Variants in BPIFC observed in about 807,000 individuals in gnomAD.
BPIFC encodes the protein BPI fold-containing family C protein.
A neutral mutation model predicts 57.6 loss-of-function variants in BPIFC; 60 were observed. That is an observed-to-expected ratio of 1.04 (90% CI 0.85 to 1.29). BPIFC has a LOEUF of 1.29. Among genes scored for constraint, BPIFC ranks in the 50% most tolerant of loss-of-function variants. The pLI is 0.00. For missense variants in BPIFC, 581 were observed against 600.5 expected (o/e 0.97, Z 0.34); for synonymous variants, 243 against 224.5 (o/e 1.08, Z -0.74).
chr22:32,417,264 C>A, intron 14 of BPIFC, 116 bp from the exon 15 acceptor site: 1 of 718,906 alleles, frequency 1.4e-6, no homozygotes, highest in Non-Finnish European at 2.3e-6. Context: ...CAGCCTCGAA[C>A]TCCTGGGCTC....
At chr22:32,440,156 A>T (rs1237127391) in intron 8 of BPIFC, among the ~76,000 whole-genome samples, 1 of 152,122 alleles carries the variant, frequency 6.6e-6, no homozygotes, top group Non-Finnish European at 1.5e-5. Flanking sequence ...TTTTGAGACA[A>T]GATCTCACTT....
chr22:32,420,613 T>A (rs1474422068), intron 13 of BPIFC, among the ~76,000 whole-genome samples: 1 of 152,226 alleles, frequency 6.6e-6, no homozygotes, highest in Non-Finnish European at 1.5e-5. Context: ...TCTCTGGATC[T>A]TAATTTTCTC....
At chr22:32,417,858 C>CT (rs1002094238) in intron 14 of BPIFC, among the ~76,000 whole-genome samples, 20 of 149,470 alleles carry the variant, frequency 1.3e-4, no homozygotes, top group South Asian at 8.5e-4. Flanking sequence ...CCCAATTTTT[C>CT]TTTTTTTTTT....
At chr22:32,436,751 CTG>C (rs1934414538) in intron 9 of BPIFC, among the ~76,000 whole-genome samples, 1 of 152,192 alleles carries the variant, frequency 6.6e-6, no homozygotes, top group African/African-American at 2.4e-5. Context: ...CCTTCAAAAT[CTG>C]TGTCTGCTGA....
rs1173310580 is a variant in BPIFC at position 32,424,735 on chromosome 22, TTCTTCC to T, written c.1218-5337_1218-5332del. 1.2e-3 allele frequency among the ~76,000 whole-genome samples: 111 copies of T among 90,624 alleles called. 19 individuals are homozygous for T. Among genetic ancestry groups the T allele is most frequent in the African/African-American group, 6.2e-3 (106 of 17,088 alleles). 59.5% of individuals were successfully genotyped at this position (90,624 alleles called of 152,430 possible). ...CTTCTTCCTCTTCTTCTTCCTCTTC[TTCTTCC>T]TCTTCTTCTTCCTCTTCTTCTTCTT... On this transcript the variant is annotated intron_variant, in intron 13 of 16. Transcript: ENST00000300399.
Position 32,435,893 on chromosome 22 carries a change from A to T in BPIFC, c.748-13T>A. On this transcript the variant is annotated splice_polypyrimidine_tract_variant and intron_variant, in intron 9 of 16. Transcript: ENST00000300399. ...GGTAGAATACACCCTGTGGGAAAAG[A>T]GAGAGAAAGACCAGTGTATCAGGTG... 6.2e-7 allele frequency: 1 copy of T among 1,605,824 alleles called. No individual in the cohort carries two copies. The highest frequency in any genetic ancestry group is 1.7e-5 in the Admixed American group (1 of 57,514).
At chr22:32,423,012 C>T (rs563680070) in intron 13 of BPIFC, among the ~76,000 whole-genome samples, 3 of 152,174 alleles carry the variant, frequency 2.0e-5, no homozygotes, top group East Asian at 1.9e-4. Context: ...GATAAATGAG[C>T]GGATGAAGGA....
chr22:32,431,403 G>T lies in BPIFC; in HGVS notation c.1161C>A (p.Thr387=). The change falls in exon 13 of 17, where the codon ACC becomes ACA. Residue 387 remains threonine, a synonymous_variant. Transcript: ENST00000300399. The part of the protein sequence containing the change: ...TIVSMDFVAS[T]SVGLVILGQR... ...GTCCCAAAATAACCAGGCCAACACTGGTACTAGCAACCTATAGACAATAAA... is the reference window on the plus strand; with the variant it reads ...GTCCCAAAATAACCAGGCCAACACTTGTACTAGCAACCTATAGACAATAAA... The T allele has an allele frequency of 6.2e-7, 1 of 1,609,178 alleles. No homozygotes were observed. The highest frequency in any genetic ancestry group is 8.5e-7 in the Non-Finnish European group (1 of 1,175,912).
intron 4 of BPIFC, among the ~76,000 whole-genome samples, chr22:32,449,181 C>A (rs1386915782): frequency 6.6e-6 from 1 of 152,186 alleles, no homozygotes; most frequent in African/African-American, 2.4e-5. Context: ...CACCACGAGG[C>A]TATGCCACTT....
chr22:32,449,738 C>CTTTTTTTTTTTTTTTTTTTTTT, intron 4 of BPIFC, among the ~76,000 whole-genome samples: 1 of 146,968 alleles, frequency 6.8e-6, no homozygotes, highest in Non-Finnish European at 1.5e-5. Flanking sequence ...ATGTACTTCT[C>CTTTTTTTTTTTTTTTTTTTTTT]TTTTTTTCTT....
intron 8 of BPIFC, among the ~76,000 whole-genome samples, chr22:32,440,723 T>C (rs1261431068): frequency 2.0e-5 from 3 of 152,208 alleles, no homozygotes; most frequent in Admixed American, 6.5e-5. Flanking sequence ...ACTCTTCTCC[T>C]GACCTACATT....
chr22:32,461,306 G>T (rs1935155525), intron 2 of BPIFC, among the ~76,000 whole-genome samples: 3 of 152,196 alleles, frequency 2.0e-5, no homozygotes, highest in Admixed American at 2.0e-4. Context: ...GAGGGAAACT[G>T]GGGAGCAGTG....
At position 32,433,717 on chromosome 22, in the gene BPIFC, A is replaced by T; in HGVS notation, c.978+2T>A. 1 of 1,604,834 alleles carries T rather than the reference A, an allele frequency of 6.2e-7. No individual in the cohort carries two copies. The highest frequency in any genetic ancestry group is 1.1e-5 in the South Asian group (1 of 90,856). The stretch of plus-strand genomic sequence containing the variant: ...ATCAAGACTCAAACCCTGAGCACTT[A>T]CCCGGGAGAGCACGTTGCCAAGGCC... On this transcript the variant is annotated splice_donor_variant, in intron 11 of 16. Coordinates refer to ENST00000300399, the MANE Select transcript of BPIFC (RefSeq NM_174932.3). LOFTEE classifies it high-confidence loss of function.
At chr22:32,450,578 A>G (rs564051809) in intron 4 of BPIFC, among the ~76,000 whole-genome samples, 37 of 152,280 alleles carry the variant, frequency 2.4e-4, no homozygotes, top group Non-Finnish European at 2.9e-4. Flanking sequence ...TAACCAATAT[A>G]AAAATTACTA....
intron 3 of BPIFC, among the ~76,000 whole-genome samples, chr22:32,454,027 C>T (rs144406820): frequency 6.6e-6 from 1 of 152,248 alleles, no homozygotes; most frequent in African/African-American, 2.4e-5. Flanking sequence ...GGAAGGATTG[C>T]TTAGGTCCTG....
At chr22:32,457,750 G>A (rs1935075305) in intron 2 of BPIFC, among the ~76,000 whole-genome samples, 1 of 152,128 alleles carries the variant, frequency 6.6e-6, no homozygotes, top group Admixed American at 6.6e-5. Flanking sequence ...ATCCTTCAGG[G>A]CCAGCTCCAT....
rs11702903 is a variant in BPIFC at position 32,435,734 on chromosome 22, C to T, written c.894G>A (p.Gly298=). 7,943 of 1,613,898 alleles carry T rather than the reference C, an allele frequency of 4.9e-3. 32 individuals are homozygous for T. Among genetic ancestry groups the T allele is most frequent in the Admixed American group, 8.3e-3 (500 of 59,972 alleles). The part of the protein sequence containing the change: ...KSASFAHFTA[G]VFNVTLSTEE... ...CGGTGGAGAGAGTGACATTGAAAAC[C>T]CCAGCTGTGAAATGAGCAAAGGACG... is the stretch of plus-strand genomic sequence containing the variant. The change falls in exon 10 of 17, where the codon GGG becomes GGA. Residue 298 remains glycine, a synonymous_variant. Coordinates refer to ENST00000300399, the MANE Select transcript of BPIFC (RefSeq NM_174932.3).
chr22:32,462,827 G>T (rs1935194119), intron 1 of BPIFC, among the ~76,000 whole-genome samples: 1 of 152,134 alleles, frequency 6.6e-6, no homozygotes, highest in South Asian at 2.1e-4. Context: ...CCTTTTTGTT[G>T]TTGTTGTTTA....
intron 13 of BPIFC, among the ~76,000 whole-genome samples, chr22:32,424,669 T>TCCTCCTCCTCCTCCTCCTCCTCCTCC (rs1933976356): frequency 1.6e-5 from 1 of 63,328 alleles, no homozygotes; most frequent in Non-Finnish European, 2.8e-5. Flanking sequence ...CTTCTTCTTC[T>TCCTCCTCCTCCTCCTCCTCCTCCTCC]TCTTCTTCTT....
Sources: gnomAD v4.1 joint callset for allele counts (sites outside exome capture counted in the v4.1 genomes callset) on GRCh38, gnomAD v4.1.1 for gene constraint, MANE v1.5 for transcripts, NCBI Gene and HGNC (gene_info 2026-07-23, HGNC 2026-07-21) for gene names.